The following UNC5D variants were observed in gnomAD, a reference collection of about 807,000 sequenced individuals.
The protein encoded by UNC5D is netrin receptor UNC5D.
In UNC5D, 39 loss-of-function variants were observed where a neutral mutation model predicts 105.4. That is an observed-to-expected ratio of 0.37 (90% CI 0.29 to 0.48). The LOEUF (loss-of-function observed/expected upper bound fraction) is 0.48. Ranked by LOEUF, UNC5D falls within the 20% of genes least tolerant of loss-of-function variation. The probability of loss-of-function intolerance (pLI) is 0.98; values close to 1 mark genes in which losing one functional copy is unlikely to be tolerated. For missense variants in UNC5D, 991 were observed against 1,202.4 expected (o/e 0.82, Z 2.60); for synonymous variants, 452 against 450.4 (o/e 1.00, Z -0.04).
intron 1 of UNC5D, among the ~76,000 whole-genome samples, chr8:35,502,768 T>C (rs1812053557): frequency 6.6e-6 from 1 of 151,814 alleles, no homozygotes; most frequent in Non-Finnish European, 1.5e-5. Context: ...GGTTTCACCA[T>C]GTTGGCCAGG....
chr8:35,619,916 T>G (rs530407009), intron 4 of UNC5D, among the ~76,000 whole-genome samples: 1 of 151,242 alleles, frequency 6.6e-6, no homozygotes, highest in Admixed American at 6.6e-5. Flanking sequence ...GTGTAGATGC[T>G]TTGTATTCCT....
intron 4 of UNC5D, among the ~76,000 whole-genome samples, chr8:35,641,386 GA>G (rs1209560462): frequency 0.011 from 967 of 91,788 alleles, 2 homozygotes; most frequent in Middle Eastern, 0.02. Context: ...AAAAAAAAAA[GA>G]AAAAAAAAAA....
At chr8:35,632,004 C>T (rs937538311) in intron 4 of UNC5D, among the ~76,000 whole-genome samples, 4 of 152,146 alleles carry the variant, frequency 2.6e-5, no homozygotes, top group African/African-American at 9.7e-5. Flanking sequence ...GCATTTGCCC[C>T]GTGCATGCAT....
chr8:35,654,740 T>C (rs1350635484), intron 4 of UNC5D, among the ~76,000 whole-genome samples: 1 of 152,220 alleles, frequency 6.6e-6, no homozygotes, highest in Non-Finnish European at 1.5e-5. Flanking sequence ...TGTTAGCTTT[T>C]TCTTTCTTTT....
intron 8 of UNC5D, among the ~76,000 whole-genome samples, chr8:35,721,128 G>A (rs1177378022): frequency 6.6e-6 from 1 of 152,044 alleles, no homozygotes; most frequent in Non-Finnish European, 1.5e-5. Context: ...CCCAACACAG[G>A]GGTGACAGAG....
At chr8:35,723,679 A>G (rs780417736) in intron 9 of UNC5D, among the ~76,000 whole-genome samples, 1 of 152,174 alleles carries the variant, frequency 6.6e-6, no homozygotes, top group Non-Finnish European at 1.5e-5. Context: ...TGCTGGGATT[A>G]TAGGAATGAG....
At chr8:35,542,515 A>C (rs2130639587) in intron 1 of UNC5D, among the ~76,000 whole-genome samples, 1 of 152,320 alleles carries the variant, frequency 6.6e-6, no homozygotes, top group Non-Finnish European at 1.5e-5. Flanking sequence ...AATATTATGA[A>C]ATCTCCTATG....
chr8:35,734,929 A>G (rs113240179), intron 11 of UNC5D, among the ~76,000 whole-genome samples: 22,784 of 151,406 alleles, frequency 0.15, 4,067 homozygotes, highest in African/African-American at 0.43. Flanking sequence ...GATTACAGGC[A>G]CCCGCCATCA....
At chr8:35,734,335 CAAAA>C (rs10657691) in intron 11 of UNC5D, among the ~76,000 whole-genome samples, 67 of 28,274 alleles carry the variant, frequency 2.4e-3, no homozygotes, top group East Asian at 7.1e-3. Flanking sequence ...TAATCACTGT[CAAAA>C]AAAAAAAAAA....
At chr8:35,495,970 G>A (rs186898587) in intron 1 of UNC5D, among the ~76,000 whole-genome samples, 9 of 152,258 alleles carry the variant, frequency 5.9e-5, no homozygotes, top group South Asian at 4.1e-4. Flanking sequence ...GCAACTTTAC[G>A]TGGTGGCAAA....
chr8:35,340,189 C>G (rs914060512), intron 1 of UNC5D, among the ~76,000 whole-genome samples: 1 of 152,132 alleles, frequency 6.6e-6, no homozygotes, highest in Admixed American at 6.5e-5. Flanking sequence ...GAACCCTTGC[C>G]TGCCTCCATT....
chr8:35,513,521 G>A (rs566361690), intron 1 of UNC5D, among the ~76,000 whole-genome samples: 1 of 150,808 alleles, frequency 6.6e-6, no homozygotes, highest in Admixed American at 6.6e-5. Context: ...GAGCCACCAT[G>A]CCCGGCCGGG....
intron 1 of UNC5D, among the ~76,000 whole-genome samples, chr8:35,390,806 G>T (rs1803721776): frequency 6.6e-6 from 1 of 152,146 alleles, no homozygotes; most frequent in Non-Finnish European, 1.5e-5. Context: ...TGGATATAAT[G>T]GATTATAACT....
At chr8:35,780,800 C>CA (rs952880331) in intron 16 of UNC5D, among the ~76,000 whole-genome samples, 2 of 152,070 alleles carry the variant, frequency 1.3e-5, no homozygotes, top group Admixed American at 6.5e-5. Context: ...CTGCCATTTC[C>CA]AAAAAATCAG....
chr8:35,781,604 A>T (rs1045646101), intron 16 of UNC5D, among the ~76,000 whole-genome samples: 4 of 152,224 alleles, frequency 2.6e-5, no homozygotes, highest in Admixed American at 2.6e-4. Flanking sequence ...CTGAATAAGG[A>T]TGTTTACATA....
chr8:35,528,417 G>A (rs1441924328), intron 1 of UNC5D, among the ~76,000 whole-genome samples: 1 of 149,880 alleles, frequency 6.7e-6, no homozygotes. Flanking sequence ...TGGTGTATAT[G>A]TGCCACATTT....
chr8:35,565,276 T>C (rs1817258075), intron 2 of UNC5D, among the ~76,000 whole-genome samples: 1 of 152,142 alleles, frequency 6.6e-6, no homozygotes, highest in African/African-American at 2.4e-5. Flanking sequence ...TTAATAATGG[T>C]CATTTTGATT....
rs143991984 is a variant in UNC5D at position 35,589,481 on chromosome 8, T to C, written c.467-6073T>C. On this transcript the variant is annotated intron_variant, in intron 3 of 16. Transcript: ENST00000404895. ...TGAATGAATTCTTTTTAATAATAAC[T>C]GTACTGAGATATAATCCACATACCA... 8.0e-4 allele frequency among the ~76,000 whole-genome samples: 122 copies of C among 152,064 alleles called. 2 individuals carry two copies. The East Asian group carries it at 0.023, about 29-fold the overall frequency.
At chr8:35,656,240 G>A (rs1289084556) in intron 4 of UNC5D, among the ~76,000 whole-genome samples, 1 of 152,108 alleles carries the variant, frequency 6.6e-6, no homozygotes, top group Non-Finnish European at 1.5e-5. Flanking sequence ...GCAAGGGTGT[G>A]TGTTCAACAA....
Sources: gnomAD v4.1 joint callset for allele counts (sites outside exome capture counted in the v4.1 genomes callset) on GRCh38, gnomAD v4.1.1 for gene constraint, MANE v1.5 for transcripts, NCBI Gene and HGNC (gene_info 2026-07-23, HGNC 2026-07-21) for gene names.